The following CALCR variants were observed in gnomAD, a reference collection of about 807,000 sequenced individuals.
CALCR encodes the protein calcitonin receptor.
CALCR carries 47 observed loss-of-function variants against 59.5 expected under a neutral mutation model. The observed-to-expected ratio is 0.79, with a 90% confidence interval of 0.63 to 1.01. CALCR has a LOEUF of 1.01. CALCR is among the 50% of genes least tolerant of loss of function. The pLI is 0.00. For synonymous variants in CALCR, 213 were observed against 211.3 expected (o/e 1.01, Z -0.07); for missense variants, 566 against 597.1 (o/e 0.95, Z 0.54).
At chr7:93,455,947 T>A (rs1198986266) in intron 8 of CALCR, among the ~76,000 whole-genome samples, 2 of 152,116 alleles carry the variant, frequency 1.3e-5, no homozygotes, top group Non-Finnish European at 2.9e-5. Flanking sequence ...CATGTCTTCT[T>A]GAGAATTATT....
chr7:93,432,220 T>C (rs1318605024), intron 13 of CALCR, among the ~76,000 whole-genome samples: 1 of 152,190 alleles, frequency 6.6e-6, no homozygotes, highest in Non-Finnish European at 1.5e-5. Flanking sequence ...CAAAATTAAA[T>C]TGCACATAAC....
intron 2 of CALCR, among the ~76,000 whole-genome samples, chr7:93,523,594 GA>G (rs1801809851): frequency 6.6e-6 from 1 of 152,018 alleles, no homozygotes; most frequent in Non-Finnish European, 1.5e-5. Context: ...AGTTCTTTGA[GA>G]AAATAACTCA....
intron 2 of CALCR, among the ~76,000 whole-genome samples, chr7:93,493,186 G>A (rs1471477851): frequency 4.0e-5 from 6 of 151,206 alleles, no homozygotes; most frequent in Non-Finnish European, 8.9e-5. Flanking sequence ...GCATACACAT[G>A]TTTATTATTA....
At chr7:93,507,141 G>A (rs1246150038) in intron 2 of CALCR, among the ~76,000 whole-genome samples, 1 of 152,122 alleles carries the variant, frequency 6.6e-6, no homozygotes, top group East Asian at 1.9e-4. Context: ...AAAGAATAAA[G>A]TCCCAAAGGG....
At chr7:93,437,094 AT>A (rs1799797402) in intron 11 of CALCR, among the ~76,000 whole-genome samples, 2 of 152,092 alleles carry the variant, frequency 1.3e-5, no homozygotes, top group Admixed American at 6.6e-5. Context: ...AGAATTCCAA[AT>A]ATATCAATTT....
chr7:93,429,912 C>T (rs1288448718), intron 13 of CALCR, among the ~76,000 whole-genome samples: 5 of 125,698 alleles, frequency 4.0e-5, no homozygotes, highest in East Asian at 6.1e-4. Context: ...ACACTTTAGA[C>T]GGTTTTTTTT....
At chr7:93,440,874 G>C (rs187593763) in intron 9 of CALCR, among the ~76,000 whole-genome samples, 1 of 152,030 alleles carries the variant, frequency 6.6e-6, no homozygotes, top group Non-Finnish European at 1.5e-5. Context: ...CTGTGCTTAC[G>C]TTACTAAGTG....
chr7:93,569,566 C>T (rs1789952989), intron 2 of CALCR, among the ~76,000 whole-genome samples: 1 of 152,132 alleles, frequency 6.6e-6, no homozygotes, highest in Non-Finnish European at 1.5e-5. Context: ...TCCGGCTAGG[C>T]ACCCTCATGG....
chr7:93,426,937 A>G (rs1012344948), intron 13 of CALCR, among the ~76,000 whole-genome samples: 4 of 152,220 alleles, frequency 2.6e-5, no homozygotes, highest in Non-Finnish European at 5.9e-5. Context: ...CAAACTTTTT[A>G]TATGCTACCA....
chr7:93,482,888 A>G (rs752253794), intron 3 of CALCR: 3 of 531,732 alleles, frequency 5.6e-6, no homozygotes, highest in Non-Finnish European at 1.2e-5. Flanking sequence ...ATGAGCAGTA[A>G]TAATCTGCAT....
At chr7:93,469,024 T>G (rs1800498065) in intron 6 of CALCR, among the ~76,000 whole-genome samples, 1 of 151,932 alleles carries the variant, frequency 6.6e-6, no homozygotes. Context: ...TAAAGTTCCT[T>G]GAGATGAAGT....
intron 2 of CALCR, among the ~76,000 whole-genome samples, chr7:93,519,318 A>T (rs1207173356): frequency 6.6e-6 from 1 of 152,056 alleles, no homozygotes; most frequent in Non-Finnish European, 1.5e-5. Flanking sequence ...GATAGTTTTA[A>T]TTACAATAAT....
At chr7:93,477,280 A>C (rs1800685939) in intron 5 of CALCR, among the ~76,000 whole-genome samples, 1 of 151,896 alleles carries the variant, frequency 6.6e-6, no homozygotes, top group Admixed American at 6.6e-5. Context: ...TAAAACTCAC[A>C]TTTAAATAAA....
chr7:93,563,206 T>C (rs567499568), intron 2 of CALCR, among the ~76,000 whole-genome samples: 5 of 152,230 alleles, frequency 3.3e-5, no homozygotes, highest in South Asian at 4.1e-4. Context: ...TGCTCCAAAA[T>C]AGATCTTGGA....
intron 2 of CALCR, among the ~76,000 whole-genome samples, chr7:93,568,726 T>C (rs1789929317): frequency 6.6e-6 from 1 of 152,168 alleles, no homozygotes; most frequent in South Asian, 2.1e-4. Context: ...TTTTTACTTC[T>C]CCAGAGATAA....
At chr7:93,529,839 G>A (rs1220252866) in intron 2 of CALCR, among the ~76,000 whole-genome samples, 1 of 152,204 alleles carries the variant, frequency 6.6e-6, no homozygotes, top group East Asian at 1.9e-4. Context: ...AAAATCAAAC[G>A]AATGTTAATA....
intron 2 of CALCR, among the ~76,000 whole-genome samples, chr7:93,521,644 CA>C (rs1188380168): frequency 6.6e-6 from 1 of 151,838 alleles, no homozygotes; most frequent in East Asian, 1.9e-4. Context: ...CACATAATTC[CA>C]AACCATTCTT....
chr7:93,444,760 T>C (rs995333528), intron 8 of CALCR, among the ~76,000 whole-genome samples: 5 of 152,082 alleles, frequency 3.3e-5, no homozygotes, highest in Admixed American at 2.6e-4. Flanking sequence ...GCATTCAAAA[T>C]CTTAGGTATT....
At chr7:93,518,787 G>A (rs919112684) in intron 2 of CALCR, among the ~76,000 whole-genome samples, 1 of 151,828 alleles carries the variant, frequency 6.6e-6, no homozygotes, top group East Asian at 1.9e-4. Context: ...GACCTTCAAG[G>A]AGCATTGTTA....
Sources: allele counts gnomAD v4.1 joint callset (sites outside exome capture counted in the v4.1 genomes callset), GRCh38; gene constraint gnomAD v4.1.1; transcripts MANE v1.5; gene names NCBI Gene and HGNC (gene_info 2026-07-23, HGNC 2026-07-21).